SEMA5B: variants seen among roughly 807,000 people sequenced by gnomAD.
The protein encoded by SEMA5B is semaphorin 5B, also known as semaphorin-5B.
In SEMA5B, 66 loss-of-function variants were observed where a neutral mutation model predicts 135.0. That is an observed-to-expected ratio of 0.49 (90% CI 0.40 to 0.60). SEMA5B has a LOEUF of 0.60. Ranked by LOEUF, SEMA5B falls within the 20% of genes least tolerant of loss-of-function variation. The pLI is 0.00. For synonymous variants in SEMA5B, 690 were observed against 639.5 expected (o/e 1.08, Z -1.19); for missense variants, 1,501 against 1,566.3 (o/e 0.96, Z 0.70).
At chr3:122,911,598 G>A (rs1937712570) in intron 20 of SEMA5B, 63 bp from the exon 21 acceptor site, 2 of 1,528,770 alleles carry the variant, frequency 1.3e-6, no homozygotes, top group Non-Finnish European at 1.8e-6. Context: ...GCCCTGCAGG[G>A]TAGGCGTAAG....
At chr3:122,984,039 G>C (rs1053343772) in intron 1 of SEMA5B, among the ~76,000 whole-genome samples, 3 of 152,234 alleles carry the variant, frequency 2.0e-5, no homozygotes, top group Non-Finnish European at 4.4e-5. Context: ...TACGTGCAGA[G>C]GAGTAAAGAA....
At chr3:122,957,472 G>A (rs902158124) in intron 2 of SEMA5B, among the ~76,000 whole-genome samples, 2 of 152,244 alleles carry the variant, frequency 1.3e-5, no homozygotes, top group Admixed American at 1.3e-4. Context: ...CACTCATACT[G>A]CGGCCGACAA....
chr3:123,009,689 C>A (rs1320607039), intron 1 of SEMA5B, among the ~76,000 whole-genome samples: 1 of 152,198 alleles, frequency 6.6e-6, no homozygotes, highest in African/African-American at 2.4e-5. Flanking sequence ...GCAGGGGTTC[C>A]GGACCTCTGG....
At chr3:122,943,641 C>T in intron 3 of SEMA5B, 106 bp from the exon 4 acceptor site, 4 of 787,398 alleles carry the variant, frequency 5.1e-6, no homozygotes, top group South Asian at 1.7e-5. Flanking sequence ...GGAAGTGGGG[C>T]GGTGGCACCC....
chr3:123,005,699 A>T (rs149401494), intron 1 of SEMA5B, among the ~76,000 whole-genome samples: 1 of 152,304 alleles, frequency 6.6e-6, no homozygotes, highest in African/African-American at 2.4e-5. Flanking sequence ...ACTTCCAGGG[A>T]TGAAAGAGTG....
Position 122,913,280 on chromosome 3 carries a change from G to A in SEMA5B, c.2425C>T (p.Pro809Ser). ...RFTCRAPLADPHGLQFGRRRT... is the reference protein window; with the variant it reads ...RFTCRAPLADSHGLQFGRRRT... Reference sequence around the variant, plus strand: ...CTCCTGCCGAACTGCAGGCCGTGCGGGTCTGCAAGGGGCGCGCGGCAGGTG... The same window carrying A: ...CTCCTGCCGAACTGCAGGCCGTGCGAGTCTGCAAGGGGCGCGCGGCAGGTG... The change falls in exon 17 of 23, where the codon CCG (proline) becomes TCG (serine). Residue 809 changes from proline (P) to serine (S), a missense_variant. Pro to Ser is a moderately conservative substitution (Grantham distance 74). This residue lies in a region of SEMA5B where 927 missense variants were observed against 881.6 expected (regional missense o/e 1.05). Transcript: ENST00000357599. 1 of 1,583,974 alleles carries A rather than the reference G, an allele frequency of 6.3e-7. No individual in the cohort carries two copies. The highest frequency in any genetic ancestry group is 8.5e-7 in the Non-Finnish European group (1 of 1,173,612).
intron 8 of SEMA5B, 110 bp from the exon 9 acceptor site, chr3:122,926,787 C>A: frequency 1.6e-6 from 2 of 1,235,782 alleles, no homozygotes; most frequent in South Asian, 1.4e-5. Context: ...TCCTGACATC[C>A]TTCTCTCTGC....
chr3:122,919,269 G>T (rs980775429), intron 12 of SEMA5B, among the ~76,000 whole-genome samples: 6 of 152,228 alleles, frequency 3.9e-5, no homozygotes, highest in South Asian at 2.1e-4. Context: ...TTGGGGGTAG[G>T]TTACCCCTCT....
chr3:122,938,805 T>G (rs1939421126), intron 5 of SEMA5B, among the ~76,000 whole-genome samples: 1 of 152,230 alleles, frequency 6.6e-6, no homozygotes. Context: ...TGGTTTGACA[T>G]CTGTTTCTCA....
chr3:122,979,566 C>T (rs1012380572), intron 1 of SEMA5B, among the ~76,000 whole-genome samples: 20 of 152,146 alleles, frequency 1.3e-4, no homozygotes, highest in African/African-American at 4.8e-4. Context: ...AGATGAAATC[C>T]ACATGTTACC....
At position 123,019,971 on chromosome 3, in the gene SEMA5B, G is replaced by C. The variant is rs145401861; in HGVS notation, c.-39+7493C>G. On this transcript the variant is annotated intron_variant, in intron 1 of 22. Coordinates refer to ENST00000357599, the MANE Select transcript of SEMA5B (RefSeq NM_001031702.4). Reference sequence around the variant, plus strand: ...CAGCGCGAAGCCTCAGAGGAGAGCAGTGAAAAGTGTTTCTTAAACTCTGAA... The same window carrying C: ...CAGCGCGAAGCCTCAGAGGAGAGCACTGAAAAGTGTTTCTTAAACTCTGAA... Among the ~76,000 whole-genome samples the C allele has an allele frequency of 6.0e-3, 915 of 152,334 alleles. 8 individuals are homozygous for C. Among genetic ancestry groups the C allele is most frequent in the African/African-American group, 0.02 (831 of 41,562 alleles).
chr3:122,984,550 A>G (rs1372816553), intron 1 of SEMA5B, among the ~76,000 whole-genome samples: 1 of 152,078 alleles, frequency 6.6e-6, no homozygotes, highest in Non-Finnish European at 1.5e-5. Flanking sequence ...TCCAACAAAA[A>G]CCCACAGCAG....
intron 1 of SEMA5B, chr3:122,975,903 A>C (rs1439474829): frequency 2.7e-5 from 37 of 1,380,578 alleles, no homozygotes; most frequent in East Asian, 1.3e-4. Flanking sequence ...TCTGCCTCAG[A>C]CTCCCTCTCC....
chr3:123,002,122 G>A (rs548765700), intron 1 of SEMA5B, among the ~76,000 whole-genome samples: 12 of 152,266 alleles, frequency 7.9e-5, no homozygotes, highest in Admixed American at 1.3e-4. Flanking sequence ...CCCAAGTGCC[G>A]GAAAACACAA....
intron 9 of SEMA5B, among the ~76,000 whole-genome samples, chr3:122,924,351 C>T (rs1224131384): frequency 1.3e-5 from 2 of 152,268 alleles, no homozygotes; most frequent in East Asian, 1.9e-4. Flanking sequence ...TTATATTCTT[C>T]GCATTTAGTT....
chr3:122,952,493 T>C lies in SEMA5B; in HGVS notation c.125-3784A>G, dbSNP rs147172406. ...TTTCTCTGCCTTAGTTTCTCCAAAC[T>C]GGGGATGATAATAACAACAACAACT... On this transcript the variant is annotated intron_variant, in intron 2 of 22. Coordinates refer to ENST00000357599, the MANE Select transcript of SEMA5B (RefSeq NM_001031702.4). Among the ~76,000 whole-genome samples the C allele has an allele frequency of 3.2e-3, 487 of 152,328 alleles. 4 individuals are homozygous for C. The highest frequency in any genetic ancestry group is 0.011 in the African/African-American group (469 of 41,564).
chr3:123,020,324 T>C (rs955767591), intron 1 of SEMA5B, among the ~76,000 whole-genome samples: 19 of 152,238 alleles, frequency 1.2e-4, no homozygotes, highest in African/African-American at 4.3e-4. Flanking sequence ...GTGAAAAGGC[T>C]GGTTACAAAA....
Position 122,913,917 on chromosome 3 carries a change from G to A in SEMA5B, c.2073C>T (p.Cys691=), listed in dbSNP as rs760933584. The A allele has an allele frequency of 2.9e-5, 47 of 1,612,672 alleles. No homozygotes were observed. The South Asian group carries it at 3.1e-4, about 11-fold the overall frequency. ...CCCCGTGGCGGGGAGCAGGGTTGCT[G>A]CAACTTCGCTGGCGGACCTGGAAGC... ...GIGFQVRQRS[C]SNPAPRHGGR... is the part of the protein sequence containing the mutation. Residue 691 remains cysteine, a synonymous_variant, in exon 15 of 23, where the codon TGC becomes TGT. Coordinates refer to ENST00000357599, the MANE Select transcript of SEMA5B (RefSeq NM_001031702.4).
intron 1 of SEMA5B, among the ~76,000 whole-genome samples, chr3:122,988,505 C>G (rs1941767909): frequency 6.6e-6 from 1 of 152,230 alleles, no homozygotes; most frequent in East Asian, 1.9e-4. Flanking sequence ...GACAGGCAGA[C>G]AGCAGCAGGA....
Sources: allele counts gnomAD v4.1 joint callset (sites outside exome capture counted in the v4.1 genomes callset), GRCh38; gene constraint gnomAD v4.1.1; regional missense constraint gnomAD v4.1.1; transcripts MANE v1.5; gene names NCBI Gene and HGNC (gene_info 2026-07-23, HGNC 2026-07-21).